TPRG1: variants seen among roughly 807,000 people sequenced by gnomAD.
TPRG1 encodes tumor protein p63-regulated gene 1 protein.
Under a neutral mutation model 29.3 loss-of-function variants are expected in TPRG1, and 29 were observed. The ratio of observed to expected loss-of-function variants is 0.99; its 90% CI spans 0.74 to 1.35. TPRG1 has a LOEUF of 1.35. Among genes scored for constraint, TPRG1 ranks in the 40% most tolerant of loss-of-function variants. TPRG1 has a pLI of 0.00. For synonymous variants in TPRG1, 130 were observed against 116.8 expected, an observed-to-expected ratio of 1.11 and a Z score of -0.73; for missense variants, 327 against 335.0, an observed-to-expected ratio of 0.98 and a Z score of 0.19.
intron 4 of TPRG1, among the ~76,000 whole-genome samples, chr3:189,044,139 G>C (rs1484410930): frequency 6.6e-6 from 1 of 152,110 alleles, no homozygotes; most frequent in African/African-American, 2.4e-5. Flanking sequence ...GAATAGTAGA[G>C]AGAGAGAGAG....
At chr3:189,266,164 C>T (rs1164634304) in intron 4 of TPRG1, among the ~76,000 whole-genome samples, 1 of 152,142 alleles carries the variant, frequency 6.6e-6, no homozygotes, top group Non-Finnish European at 1.5e-5. Flanking sequence ...GAATTAATAT[C>T]TACCCCACGG....
intron 3 of TPRG1, among the ~76,000 whole-genome samples, chr3:189,015,909 A>T (rs188462806): frequency 6.6e-6 from 1 of 152,314 alleles, no homozygotes; most frequent in East Asian, 1.9e-4. Context: ...GAGCCTGTAC[A>T]AAGTCAGTAC....
At chr3:189,107,582 T>A (rs1315491158) in intron 1 of TPRG1, among the ~76,000 whole-genome samples, 2 of 152,174 alleles carry the variant, frequency 1.3e-5, no homozygotes, top group East Asian at 3.9e-4. Flanking sequence ...TGTTTTCCTA[T>A]TGAATCATAT....
chr3:189,062,879 AAAAC>A (rs1426816105), intron 4 of TPRG1, among the ~76,000 whole-genome samples: 1 of 152,088 alleles, frequency 6.6e-6, no homozygotes, highest in Non-Finnish European at 1.5e-5. Context: ...GATGAAATAG[AAAAC>A]AAACAATAAA....
At chr3:189,307,186 C>G (rs1435584394) in intron 4 of TPRG1, among the ~76,000 whole-genome samples, 1 of 152,128 alleles carries the variant, frequency 6.6e-6, no homozygotes, top group Non-Finnish European at 1.5e-5. Flanking sequence ...CCACACCCGG[C>G]TAATTTTTGT....
intron 5 of TPRG1, among the ~76,000 whole-genome samples, chr3:189,314,056 G>A (rs561641915): frequency 6.8e-4 from 103 of 152,264 alleles, no homozygotes; most frequent in African/African-American, 2.3e-3. Flanking sequence ...ATGAAAGCAA[G>A]TAACTGACAG....
At chr3:189,009,774 T>C (rs1712496798) in intron 3 of TPRG1, among the ~76,000 whole-genome samples, 1 of 151,910 alleles carries the variant, frequency 6.6e-6, no homozygotes, top group Non-Finnish European at 1.5e-5. Context: ...GGTGCAATAA[T>C]TCTCTCTCTT....
intron 2 of TPRG1, chr3:189,211,999 T>A (rs1276035983): frequency 1.2e-5 from 1 of 82,780 alleles, no homozygotes; most frequent in African/African-American, 9.1e-5. Context: ...ACTAGAGGTA[T>A]ATTATGATAA....
rs972428643 is a variant in TPRG1 at position 189,001,873 on chromosome 3, A to C, written c.-878+962A>C. Among the ~76,000 whole-genome samples, 3 of 152,296 alleles carry C rather than the reference A, an allele frequency of 2.0e-5. No individual in the cohort carries two copies. In the East Asian group the frequency reaches 5.8e-4, roughly 30 times the overall value. On this transcript the variant is annotated intron_variant, in intron 2 of 10. Coordinates refer to the TPRG1 transcript ENST00000433971. Reference sequence around the variant, plus strand: ...GATTGGAAATACAGAAACAACAATAATGCATTATATGTGTGTGTTGCTGTT... The same window carrying C: ...GATTGGAAATACAGAAACAACAATACTGCATTATATGTGTGTGTTGCTGTT...
At chr3:189,072,885 C>G (rs1427280452) in intron 4 of TPRG1, among the ~76,000 whole-genome samples, 1 of 152,064 alleles carries the variant, frequency 6.6e-6, no homozygotes, top group Non-Finnish European at 1.5e-5. Context: ...CATTAATTTC[C>G]TTACTCACAT....
At chr3:189,299,420 C>T (rs1163541058) in intron 4 of TPRG1, among the ~76,000 whole-genome samples, 1 of 152,122 alleles carries the variant, frequency 6.6e-6, no homozygotes, top group Non-Finnish European at 1.5e-5. Context: ...TCTTTCTATC[C>T]TGGGCATTTC....
Position 189,005,251 on chromosome 3 carries a change from A to T in TPRG1, c.-660+491A>T, listed in dbSNP as rs1455602511. ...TCATAAGCTGCTTGAACTCATAGAA[A>T]ATGTTTTTTGCTTCTTGTATCACCT... On this transcript the variant is annotated intron_variant, in intron 3 of 10. Transcript: ENST00000433971. Among the ~76,000 whole-genome samples the T allele has an allele frequency of 7.2e-5, 11 of 152,114 alleles. 1 individual carries two copies. Among genetic ancestry groups the T allele is most frequent in the Admixed American group, 7.2e-4 (11 of 15,258 alleles).
At chr3:189,178,136 T>C (rs911597863) in intron 1 of TPRG1, among the ~76,000 whole-genome samples, 1 of 152,210 alleles carries the variant, frequency 6.6e-6, no homozygotes, top group Admixed American at 6.5e-5. Context: ...TAGATGTTCC[T>C]TTCAAGGAGC....
At chr3:189,154,384 A>C (rs1161465802) in intron 5 of TPRG1, among the ~76,000 whole-genome samples, 1 of 152,066 alleles carries the variant, frequency 6.6e-6, no homozygotes, top group African/African-American at 2.4e-5. Flanking sequence ...GCCTTATTCT[A>C]GGTCCTAGGG....
chr3:189,177,152 A>G (rs1364341492), intron 1 of TPRG1, among the ~76,000 whole-genome samples: 1 of 152,154 alleles, frequency 6.6e-6, no homozygotes, highest in Non-Finnish European at 1.5e-5. Context: ...GCTGATATAT[A>G]GAATGAGGGA....
intron 4 of TPRG1, among the ~76,000 whole-genome samples, chr3:189,283,537 A>G (rs1234399425): frequency 6.6e-6 from 1 of 152,218 alleles, no homozygotes; most frequent in Non-Finnish European, 1.5e-5. Flanking sequence ...AGAGTAACTG[A>G]ATACATTTAG....
intron 5 of TPRG1, among the ~76,000 whole-genome samples, chr3:189,311,604 C>T (rs763229112): frequency 1.3e-4 from 20 of 152,088 alleles, no homozygotes; most frequent in Non-Finnish European, 1.5e-5. Context: ...GAAATGACCT[C>T]GAATCACATT....
intron 3 of TPRG1, among the ~76,000 whole-genome samples, chr3:189,017,404 A>G (rs1236233853): frequency 6.6e-6 from 1 of 151,916 alleles, no homozygotes; most frequent in Non-Finnish European, 1.5e-5. Context: ...AACAGTCCCC[A>G]GAGTGTGATG....
At position 189,023,093 on chromosome 3, in the gene TPRG1, T is replaced by A. The variant is rs184558916; in HGVS notation, c.-659-657T>A. 3.2e-4 allele frequency among the ~76,000 whole-genome samples: 49 copies of A among 152,350 alleles called. 3 individuals carry two copies. The highest frequency in any genetic ancestry group is 7.7e-4 in the African/African-American group (32 of 41,594). On this transcript the variant is annotated intron_variant, in intron 3 of 10. Coordinates refer to the TPRG1 transcript ENST00000433971. ...ACCTCGCCCTGCTTTGGCTCGCGCA[T>A]GGTGCGCGCACCCACTGACCTGCGC...
Sources: allele counts gnomAD v4.1 joint callset (sites outside exome capture counted in the v4.1 genomes callset), GRCh38; gene constraint gnomAD v4.1.1; transcripts MANE v1.5; gene names NCBI Gene and HGNC (gene_info 2026-07-23, HGNC 2026-07-21).